TEC: variants seen among roughly 807,000 people sequenced by gnomAD.
TEC encodes the protein tec protein tyrosine kinase.
A neutral mutation model predicts 93.0 loss-of-function variants in TEC; 72 were observed. The observed-to-expected ratio is 0.77, with a 90% confidence interval of 0.64 to 0.94. The LOEUF (loss-of-function observed/expected upper bound fraction) is 0.94, where lower values mean the gene tolerates loss of function less well. TEC is among the 40% of genes least tolerant of loss of function. The probability of loss-of-function intolerance (pLI) is 0.00; values close to 1 mark genes in which losing one functional copy is unlikely to be tolerated. For missense variants in TEC, 630 were observed against 757.9 expected (o/e 0.83, Z 1.98); for synonymous variants, 249 against 247.7 (o/e 1.01, Z -0.05).
At chr4:48,261,956 TCA>T (rs1724506748) in intron 1 of TEC, among the ~76,000 whole-genome samples, 2 of 128,378 alleles carry the variant, frequency 1.6e-5, no homozygotes. Context: ...ACTAAGATAA[TCA>T]TAACACTATG....
intron 1 of TEC, among the ~76,000 whole-genome samples, chr4:48,265,511 ATATATTTT>A (rs1724617709): frequency 2.1e-5 from 2 of 96,056 alleles, no homozygotes; most frequent in Admixed American, 1.1e-4. Flanking sequence ...ATATATATAT[ATATATTTT>A]TTTTTTTTTT....
chr4:48,212,108 A>ATATATATAT (rs1317959461), intron 2 of TEC, among the ~76,000 whole-genome samples: 9 of 86,584 alleles, frequency 1.0e-4, no homozygotes, highest in Non-Finnish European at 1.4e-4. Flanking sequence ...CAAAAAAAAA[A>ATATATATAT]AAATATATAT....
intron 1 of TEC, among the ~76,000 whole-genome samples, chr4:48,241,630 A>G (rs1723926124): frequency 1.3e-5 from 2 of 152,184 alleles, no homozygotes; most frequent in Admixed American, 1.3e-4. Flanking sequence ...CCCACTGTGC[A>G]CTAATTCTTA....
At chr4:48,259,957 C>G (rs1230061378) in intron 1 of TEC, among the ~76,000 whole-genome samples, 1 of 152,116 alleles carries the variant, frequency 6.6e-6, no homozygotes, top group Non-Finnish European at 1.5e-5. Context: ...AAACTCTAGA[C>G]CAGGTACTGA....
Position 48,137,395 on chromosome 4 carries a change from G to A in TEC, c.*21C>T, listed in dbSNP as rs1295683526. 1 of 1,603,282 alleles carries A rather than the reference G, an allele frequency of 6.2e-7. No homozygotes were observed. Among genetic ancestry groups the A allele is most frequent in the South Asian group, 1.1e-5 (1 of 90,188 alleles). On this transcript the variant is annotated 3_prime_UTR_variant, in exon 18 of 18. Coordinates refer to ENST00000381501, the MANE Select transcript of TEC (RefSeq NM_003215.3). Reference sequence around the variant, plus strand: ...TCCTTCCTTGTGCTTGGGAATCTGGGAGCCACTGGTCACACATCACTTATC... The same window carrying A: ...TCCTTCCTTGTGCTTGGGAATCTGGAAGCCACTGGTCACACATCACTTATC...
chr4:48,204,802 G>A (rs974086226), intron 2 of TEC, among the ~76,000 whole-genome samples: 1 of 152,244 alleles, frequency 6.6e-6, no homozygotes, highest in African/African-American at 2.4e-5. Context: ...GCAGAGCTCA[G>A]TGGGTAATGC....
chr4:48,207,317 G>T (rs531874013), intron 2 of TEC, among the ~76,000 whole-genome samples: 54 of 152,288 alleles, frequency 3.5e-4, no homozygotes, highest in Middle Eastern at 6.8e-3. Flanking sequence ...GCAGGCATCA[G>T]GTGCTTTAAC....
intron 1 of TEC, among the ~76,000 whole-genome samples, chr4:48,235,465 C>T (rs1210150517): frequency 1.3e-5 from 2 of 152,006 alleles, no homozygotes; most frequent in Admixed American, 1.3e-4. Flanking sequence ...ACTCTTCTAC[C>T]CTAAATAATA....
intron 1 of TEC, among the ~76,000 whole-genome samples, chr4:48,254,870 C>A (rs754687233): frequency 6.6e-6 from 1 of 151,704 alleles, no homozygotes; most frequent in Non-Finnish European, 1.5e-5. Flanking sequence ...TTCACTAGGG[C>A]AGGGCTTACT....
chr4:48,206,051 A>G (rs1722703754), intron 2 of TEC, among the ~76,000 whole-genome samples: 1 of 152,232 alleles, frequency 6.6e-6, no homozygotes, highest in African/African-American at 2.4e-5. Flanking sequence ...TGAAAACGTT[A>G]TGCTTAGTGG....
rs1004003258 is a variant in TEC at position 48,163,642 on chromosome 4, A to G, written c.737+60T>C. On this transcript the variant is annotated intron_variant, in intron 8 of 17. Transcript: ENST00000381501. ...TCCATTAATCTTCAAAATGCCTTAC[A>G]TAATTAGGAAAATGAAAAGTTTCTG... 3.6e-6 allele frequency: 4 copies of G among 1,121,416 alleles called. No homozygotes were observed. The African/African-American group carries it at 4.8e-5, about 13-fold the overall frequency. The allele number at this position is 1,121,416 out of a possible 1,614,324, so 69.5% of individuals were successfully genotyped here. A position where few individuals can be genotyped will look rare whatever the true frequency, so the allele number is the denominator to read the frequency against.
chr4:48,161,139 G>A (rs1720640081), intron 8 of TEC, among the ~76,000 whole-genome samples: 1 of 152,126 alleles, frequency 6.6e-6, no homozygotes, highest in Non-Finnish European at 1.5e-5. Context: ...GGAAAGGTCA[G>A]ACCCTTGCCA....
chr4:48,196,651 G>A (rs1019571635), intron 2 of TEC, among the ~76,000 whole-genome samples: 15 of 152,156 alleles, frequency 9.9e-5, no homozygotes, highest in Non-Finnish European at 1.6e-4. Context: ...AAGATCTTCT[G>A]AGAGTTGATG....
intron 14 of TEC, among the ~76,000 whole-genome samples, chr4:48,143,414 T>C (rs1336171057): frequency 6.6e-6 from 1 of 152,250 alleles, no homozygotes; most frequent in Non-Finnish European, 1.5e-5. Flanking sequence ...TTGTTCTTAG[T>C]TCTTAGTTCA....
At chr4:48,142,825 C>T (rs1161792645) in intron 14 of TEC, among the ~76,000 whole-genome samples, 3 of 152,112 alleles carry the variant, frequency 2.0e-5, no homozygotes, top group South Asian at 2.1e-4. Flanking sequence ...GGACTACAGG[C>T]GTCTGCCACC....
At chr4:48,263,714 A>AAAAG (rs946355727) in intron 1 of TEC, among the ~76,000 whole-genome samples, 1 of 152,264 alleles carries the variant, frequency 6.6e-6, no homozygotes, top group Middle Eastern at 3.4e-3. Flanking sequence ...CAAAAAAAAG[A>AAAAG]AAAGAAAGAA....
intron 1 of TEC, among the ~76,000 whole-genome samples, chr4:48,261,724 G>A (rs1724501279): frequency 1.3e-5 from 2 of 152,272 alleles, no homozygotes; most frequent in South Asian, 4.1e-4. Flanking sequence ...TATAGTACAT[G>A]ACAAGTTAAA....
chr4:48,264,289 C>A, intron 1 of TEC, among the ~76,000 whole-genome samples: 1 of 152,106 alleles, frequency 6.6e-6, no homozygotes, highest in South Asian at 2.1e-4. Flanking sequence ...AAGCTGGATC[C>A]CACAGATCCC....
At chr4:48,167,438 C>T (rs574095569) in intron 7 of TEC, among the ~76,000 whole-genome samples, 10 of 152,086 alleles carry the variant, frequency 6.6e-5, no homozygotes, top group Non-Finnish European at 1.2e-4. Flanking sequence ...AAAAAAATTA[C>T]AATAAACTCT....
Sources: gnomAD v4.1 joint callset for allele counts (sites outside exome capture counted in the v4.1 genomes callset) on GRCh38, gnomAD v4.1.1 for gene constraint, MANE v1.5 for transcripts, NCBI Gene and HGNC (gene_info 2026-07-23, HGNC 2026-07-21) for gene names.